MTRF1: variants seen among roughly 807,000 people sequenced by gnomAD.
MTRF1 encodes the protein mitochondrial translation release factor 1.
In MTRF1, 51 loss-of-function variants were observed where a neutral mutation model predicts 62.9. That is an observed-to-expected ratio of 0.81 (90% CI 0.65 to 1.02). MTRF1 has a LOEUF of 1.02. Ranked by LOEUF, MTRF1 falls within the 50% of genes least tolerant of loss-of-function variation. MTRF1 has a pLI of 0.00. For missense variants in MTRF1, 446 were observed against 530.0 expected (o/e 0.84, Z 1.56); for synonymous variants, 158 against 181.9 (o/e 0.87, Z 1.06).
rs564587547 is a variant in MTRF1 at position 41,252,958 on chromosome 13, T to C, written c.580A>G (p.Thr194Ala). 2 of 1,601,712 alleles carry C rather than the reference T, an allele frequency of 1.2e-6. No homozygotes were observed. The highest frequency in any genetic ancestry group is 1.1e-5 in the South Asian group (1 of 88,666). The change falls in exon 4 of 10, where the codon ACT becomes GCT. Residue 194 changes from threonine (T) to alanine (A), a missense_variant. Coordinates refer to ENST00000379480, the MANE Select transcript of MTRF1 (RefSeq NM_004294.4). ...DVILEVTAGRTTGGDICQQFT... is the reference protein window; with the variant it reads ...DVILEVTAGRATGGDICQQFT... ...AAGTAAGTTTACTGACCTCCAGTAGTCCTTCCAGCTGTCACCTCTAAAATA... is the reference window on the plus strand; with the variant it reads ...AAGTAAGTTTACTGACCTCCAGTAGCCCTTCCAGCTGTCACCTCTAAAATA...
the MTRF1 span, among the ~76,000 whole-genome samples, chr13:41,273,455 C>T: frequency 1.2e-4 from 18 of 152,168 alleles, no homozygotes; most frequent in Non-Finnish European, 2.2e-4. Flanking sequence ...ATTGAGGACA[C>T]GCACCTGTGA....
chr13:41,263,212 T>C, intron 1 of MTRF1: 1 of 1,229,694 alleles, frequency 8.1e-7, no homozygotes, highest in South Asian at 1.3e-5. Context: ...TTCAAGGTCA[T>C]GAATCTCAAC....
the MTRF1 span, among the ~76,000 whole-genome samples, chr13:41,271,614 A>G: frequency 6.9e-3 from 1,057 of 152,142 alleles, 10 homozygotes; most frequent in African/African-American, 0.025. Flanking sequence ...ACACCTGGTG[A>G]TCAGCCCTTA....
At chr13:41,284,110 CT>C in the MTRF1 span, among the ~76,000 whole-genome samples, 1 of 151,828 alleles carries the variant, frequency 6.6e-6, no homozygotes, top group African/African-American at 2.4e-5. Flanking sequence ...TATCTGTAGC[CT>C]CCATTAGAAC....
At chr13:41,270,534 TCACTACCCTAGG>T in the MTRF1 span, among the ~76,000 whole-genome samples, 1 of 152,180 alleles carries the variant, frequency 6.6e-6, no homozygotes, top group Admixed American at 6.5e-5. Flanking sequence ...ATAACCTGTC[TCACTACCCTAGG>T]CAGTTGTTAG....
intron 2 of MTRF1, among the ~76,000 whole-genome samples, chr13:41,259,678 G>A (rs1038180199): frequency 4.9e-5 from 3 of 60,762 alleles, no homozygotes; most frequent in Admixed American, 1.8e-4. Context: ...CTCCAGCCTG[G>A]GCGACAGAGC....
the MTRF1 span, among the ~76,000 whole-genome samples, chr13:41,274,860 C>T: frequency 1.3e-5 from 2 of 151,948 alleles, no homozygotes; most frequent in East Asian, 1.9e-4. Flanking sequence ...TGATTCACCC[C>T]CCTTGGCCTC....
the MTRF1 span, among the ~76,000 whole-genome samples, chr13:41,271,949 A>G: frequency 1.3e-5 from 2 of 152,180 alleles, no homozygotes; most frequent in African/African-American, 4.8e-5. Context: ...ATCCTTAAAC[A>G]ACAACTTCCT....
At chr13:41,233,347 T>C (rs2035926872) in intron 7 of MTRF1, among the ~76,000 whole-genome samples, 1 of 152,132 alleles carries the variant, frequency 6.6e-6, no homozygotes, top group Non-Finnish European at 1.5e-5. Context: ...TTATAGGACT[T>C]TGCCATTAGA....
In MTRF1 at chr13:41,226,475, A is replaced by G. The variant is rs142198338; in HGVS notation, c.1082T>C (p.Ile361Thr). ...VLRARLYQQI[I>T]EKDKRQQQSA... Reference sequence around the variant, plus strand: ...TTGTTGCTGACGCTTGTCTTTCTCAATAATCTGCTGGTAGAGTCTAGCTCT... The same window carrying G: ...TTGTTGCTGACGCTTGTCTTTCTCAGTAATCTGCTGGTAGAGTCTAGCTCT... The change falls in exon 8 of 10, where the codon ATT becomes ACT. Residue 361 changes from isoleucine to threonine, a missense_variant. Coordinates refer to ENST00000379480, the MANE Select transcript of MTRF1 (RefSeq NM_004294.4). 9 of 1,613,526 alleles carry G rather than the reference A, an allele frequency of 5.6e-6. No individual in the cohort carries two copies. The Admixed American group carries it at 6.7e-5, about 12-fold the overall frequency.
chr13:41,234,401 ACTC>A (rs2036124684), intron 6 of MTRF1, among the ~76,000 whole-genome samples: 2 of 151,678 alleles, frequency 1.3e-5, no homozygotes, highest in African/African-American at 4.9e-5. Context: ...CTGGTCTTGA[ACTC>A]CTGGCCTCAA....
the MTRF1 span, among the ~76,000 whole-genome samples, chr13:41,280,215 G>A: frequency 2.6e-5 from 4 of 152,268 alleles, no homozygotes; most frequent in African/African-American, 9.6e-5. Flanking sequence ...GATTACAGGC[G>A]TGAGCCACCG....
the MTRF1 span, among the ~76,000 whole-genome samples, chr13:41,276,025 A>G: frequency 4.6e-5 from 7 of 152,202 alleles, no homozygotes; most frequent in Non-Finnish European, 8.8e-5. Flanking sequence ...GTTTTCTACA[A>G]CTTATAGGAG....
At chr13:41,242,632 G>A (rs1249822573) in intron 5 of MTRF1, among the ~76,000 whole-genome samples, 2 of 152,122 alleles carry the variant, frequency 1.3e-5, no homozygotes, top group African/African-American at 2.4e-5. Flanking sequence ...ATGAAGCATT[G>A]CTGGCTATTT....
chr13:41,287,338 T>G, the MTRF1 span, among the ~76,000 whole-genome samples: 5 of 152,130 alleles, frequency 3.3e-5, no homozygotes, highest in Non-Finnish European at 7.3e-5. Flanking sequence ...TGCAACACAC[T>G]TTTAAACAAC....
chr13:41,261,586 C>T (rs1407768071), intron 1 of MTRF1: 1 of 156,926 alleles, frequency 6.4e-6, no homozygotes, highest in Non-Finnish European at 1.4e-5. Context: ...AACATACAAA[C>T]TTAAGGCGGT....
At chr13:41,246,001 G>T (rs546178591) in intron 5 of MTRF1, among the ~76,000 whole-genome samples, 123 of 152,052 alleles carry the variant, frequency 8.1e-4, no homozygotes, top group African/African-American at 2.9e-3. Context: ...GGTCATGCAG[G>T]CTAGACTGCT....
the MTRF1 span, among the ~76,000 whole-genome samples, chr13:41,274,012 A>G: frequency 6.6e-6 from 1 of 152,228 alleles, no homozygotes; most frequent in Non-Finnish European, 1.5e-5. Flanking sequence ...GGAGGCAATC[A>G]GATATCCATT....
chr13:41,248,834 A>G (rs553940319), intron 5 of MTRF1, among the ~76,000 whole-genome samples: 1 of 152,312 alleles, frequency 6.6e-6, no homozygotes, highest in East Asian at 1.9e-4. Context: ...TGTGGAAAAT[A>G]TTTCAATTCA....
Sources: allele counts gnomAD v4.1 joint callset (sites outside exome capture counted in the v4.1 genomes callset), GRCh38; gene constraint gnomAD v4.1.1; transcripts MANE v1.5; gene names NCBI Gene and HGNC (gene_info 2026-07-23, HGNC 2026-07-21).